Variants in EPHB1 observed in about 807,000 individuals in gnomAD.
EPHB1 encodes ephrin type-B receptor 1.
A neutral mutation model predicts 94.4 loss-of-function variants in EPHB1; 30 were observed. The observed-to-expected ratio is 0.32, with a 90% CI of 0.24 to 0.43. The LOEUF is 0.43. Among genes scored for constraint, EPHB1 ranks in the 20% least tolerant of loss-of-function variants. EPHB1 has a pLI of 1.00. For missense variants in EPHB1, 1,055 were observed against 1,308.3 expected, an observed-to-expected ratio of 0.81 and a Z score of 2.99; for synonymous variants, 522 against 489.1, an observed-to-expected ratio of 1.07 and a Z score of -0.89.
chr3:135,089,848 C>A (rs1938494038), intron 3 of EPHB1, among the ~76,000 whole-genome samples: 1 of 152,232 alleles, frequency 6.6e-6, no homozygotes, highest in African/African-American at 2.4e-5. Flanking sequence ...TCCTCACCTG[C>A]TGCTCCTTCT....
At chr3:134,824,125 C>CTTTTTTTTT (rs373504139) in intron 1 of EPHB1, among the ~76,000 whole-genome samples, 7 of 100,758 alleles carry the variant, frequency 6.9e-5, no homozygotes, top group Non-Finnish European at 1.0e-4. Flanking sequence ...GGATAATGCC[C>CTTTTTTTTT]TTTTTTTTTT....
intron 15 of EPHB1, among the ~76,000 whole-genome samples, chr3:135,258,795 C>T (rs1933525244): frequency 6.6e-6 from 1 of 152,136 alleles, no homozygotes; most frequent in Non-Finnish European, 1.5e-5. Flanking sequence ...CACAGCACTC[C>T]CAGGATTGCC....
intron 3 of EPHB1, among the ~76,000 whole-genome samples, chr3:135,065,509 C>G (rs1410178355): frequency 6.6e-6 from 1 of 152,068 alleles, no homozygotes; most frequent in African/African-American, 2.4e-5. Context: ...AATAGCTAAC[C>G]CTGCTTGCTT....
intron 3 of EPHB1, among the ~76,000 whole-genome samples, chr3:135,053,512 C>A (rs1313691822): frequency 6.6e-6 from 1 of 152,084 alleles, no homozygotes; most frequent in Non-Finnish European, 1.5e-5. Context: ...GTAAGACTGG[C>A]AACACAGCAA....
At chr3:134,843,795 TTCTC>T (rs1472165659) in intron 1 of EPHB1, among the ~76,000 whole-genome samples, 1 of 152,224 alleles carries the variant, frequency 6.6e-6, no homozygotes, top group African/African-American at 2.4e-5. Flanking sequence ...TTGTTATACT[TTCTC>T]TAGTTATTTA....
chr3:134,818,739 A>G (rs1281695523), intron 1 of EPHB1, among the ~76,000 whole-genome samples: 1 of 152,210 alleles, frequency 6.6e-6, no homozygotes, highest in Non-Finnish European at 1.5e-5. Flanking sequence ...TATCCTATAT[A>G]CTATATATCT....
At chr3:135,026,864 T>C (rs1487923342) in intron 3 of EPHB1, among the ~76,000 whole-genome samples, 1 of 143,020 alleles carries the variant, frequency 7.0e-6, no homozygotes, top group Non-Finnish European at 1.5e-5. Flanking sequence ...TGTTCTTCCA[T>C]TTGTTTGTAT....
intron 3 of EPHB1, among the ~76,000 whole-genome samples, chr3:134,993,868 T>C (rs1369714803): frequency 6.6e-6 from 1 of 152,252 alleles, no homozygotes; most frequent in African/African-American, 2.4e-5. Context: ...ACATTTAAAG[T>C]CTTGGGTTTC....
At chr3:135,056,605 A>G (rs1280117282) in intron 3 of EPHB1, among the ~76,000 whole-genome samples, 2 of 152,246 alleles carry the variant, frequency 1.3e-5, no homozygotes, top group Admixed American at 1.3e-4. Context: ...AACCAGGCAA[A>G]TGTTAGATAG....
chr3:135,083,181 T>C (rs1225064143), intron 3 of EPHB1, among the ~76,000 whole-genome samples: 2 of 152,076 alleles, frequency 1.3e-5, no homozygotes, highest in Non-Finnish European at 2.9e-5. Flanking sequence ...GGAGCAGCTG[T>C]AGAAAGTCAT....
At chr3:134,837,610 G>A (rs1049632697) in intron 1 of EPHB1, among the ~76,000 whole-genome samples, 1 of 152,204 alleles carries the variant, frequency 6.6e-6, no homozygotes, top group Non-Finnish European at 1.5e-5. Flanking sequence ...CTGCACCCTA[G>A]TAGGGAGAAG....
chr3:135,075,691 C>A (rs1014861940), intron 3 of EPHB1, among the ~76,000 whole-genome samples: 1 of 152,162 alleles, frequency 6.6e-6, no homozygotes, highest in African/African-American at 2.4e-5. Context: ...AAGAAAGAAG[C>A]AGCTGGCAGG....
intron 15 of EPHB1, among the ~76,000 whole-genome samples, chr3:135,258,555 G>T (rs1239731640): frequency 6.6e-6 from 1 of 152,242 alleles, no homozygotes; most frequent in East Asian, 1.9e-4. Flanking sequence ...GCAGCAAATG[G>T]AAACTCAGGG....
At chr3:135,106,185 T>G (rs990946467) in intron 3 of EPHB1, among the ~76,000 whole-genome samples, 7 of 152,222 alleles carry the variant, frequency 4.6e-5, no homozygotes, top group African/African-American at 1.7e-4. Flanking sequence ...ATTAAATCTC[T>G]TGACACACCT....
chr3:134,908,698 A>T (rs39706), intron 1 of EPHB1, among the ~76,000 whole-genome samples: 58 of 151,996 alleles, frequency 3.8e-4, no homozygotes, highest in Non-Finnish European at 8.1e-4. Flanking sequence ...GAAAGGAGAG[A>T]GTGGGAAACA....
At chr3:134,882,765 C>CCTTTCTTT (rs1553861896) in intron 1 of EPHB1, among the ~76,000 whole-genome samples, 48 of 79,922 alleles carry the variant, frequency 6.0e-4, no homozygotes, top group African/African-American at 2.1e-3. Flanking sequence ...TTCCTTCCTT[C>CCTTTCTTT]CTTTCTTTCT....
At chr3:135,237,472 C>T (rs1459866932) in intron 12 of EPHB1, among the ~76,000 whole-genome samples, 1 of 152,144 alleles carries the variant, frequency 6.6e-6, no homozygotes, top group African/African-American at 2.4e-5. Flanking sequence ...AACTCAGACC[C>T]CTAATGACAG....
At chr3:135,000,077 C>T (rs1249556379) in intron 3 of EPHB1, among the ~76,000 whole-genome samples, 1 of 152,218 alleles carries the variant, frequency 6.6e-6, no homozygotes, top group Non-Finnish European at 1.5e-5. Context: ...CCTATGCATC[C>T]TGCCCACCTC....
intron 1 of EPHB1, among the ~76,000 whole-genome samples, chr3:134,813,471 A>G (rs925590310): frequency 2.0e-5 from 3 of 152,334 alleles, no homozygotes; most frequent in African/African-American, 7.2e-5. Context: ...GAAGAAAAGT[A>G]TAATTTTTCT....
Sources: gnomAD v4.1 joint callset for allele counts (sites outside exome capture counted in the v4.1 genomes callset) on GRCh38, gnomAD v4.1.1 for gene constraint, MANE v1.5 for transcripts, NCBI Gene and HGNC (gene_info 2026-07-23, HGNC 2026-07-21) for gene names.